The following TSC22D1 variants were observed in gnomAD, a reference collection of about 807,000 sequenced individuals.
The protein encoded by TSC22D1 is TSC22 domain family member 1, also known as TSC22 domain family protein 1.
TSC22D1 carries 9 observed loss-of-function variants against 74.2 expected under a neutral mutation model. That is an observed-to-expected ratio of 0.12 (90% CI 0.07 to 0.21). The LOEUF is 0.21. Among genes scored for constraint, TSC22D1 ranks in the 10% least tolerant of loss-of-function variants. The pLI, the probability that TSC22D1 is intolerant of heterozygous loss-of-function variation, is 1.00. For synonymous variants in TSC22D1, 586 were observed against 492.5 expected (o/e 1.19, Z -2.51); for missense variants, 1,427 against 1,304.7 (o/e 1.09, Z -1.44).
At chr13:44,541,170 C>T (rs576065281) in intron 1 of TSC22D1, among the ~76,000 whole-genome samples, 131 of 152,276 alleles carry the variant, frequency 8.6e-4, no homozygotes, top group Admixed American at 6.3e-3. Context: ...AGCACTAAGA[C>T]GGTAGCAACC....
At chr13:44,558,425 A>T (rs977125734) in intron 1 of TSC22D1, among the ~76,000 whole-genome samples, 15 of 152,294 alleles carry the variant, frequency 9.8e-5, no homozygotes, top group Non-Finnish European at 2.1e-4. Flanking sequence ...AGAGGAGCTA[A>T]ACAGTTGCCA....
In TSC22D1 at chr13:44,433,240, G is replaced by C. The variant is rs910485558; in HGVS notation, c.*1386C>G. The C allele has an allele frequency of 9.9e-5, 15 of 152,244 alleles. No homozygotes were observed. The highest frequency in any genetic ancestry group is 3.1e-4 in the African/African-American group (13 of 41,458). 9.4% of individuals were successfully genotyped at this position (152,244 alleles called of 1,614,324 possible). A position where few individuals can be genotyped will look rare whatever the true frequency, so the allele number is the denominator to read the frequency against. ...TTTAAAGCCAAAGGGGAATGTAAGA[G>C]ATCATCTCTTTCAAACCCCTACATC... On this transcript the variant is annotated 3_prime_UTR_variant, in exon 3 of 3. Coordinates refer to ENST00000458659, the MANE Select transcript of TSC22D1 (RefSeq NM_183422.4).
rs1874153139 is a variant in TSC22D1, at chr13:44,432,732, C to G, written c.*1894G>C. On this transcript the variant is annotated 3_prime_UTR_variant, in exon 3 of 3. Coordinates refer to ENST00000458659, the MANE Select transcript of TSC22D1 (RefSeq NM_183422.4). ...CAAGGACTTAAGACAAGCCTTAGAACTTGGGATTGGTCCAATTCCTACTGG... is the reference window on the plus strand; with the variant it reads ...CAAGGACTTAAGACAAGCCTTAGAAGTTGGGATTGGTCCAATTCCTACTGG... The G allele has an allele frequency of 6.6e-6, 1 of 152,150 alleles. No individual in the cohort carries two copies. The highest frequency in any genetic ancestry group is 1.5e-5 in the Non-Finnish European group (1 of 68,042). The allele number at this position is 152,150 out of a possible 1,614,324, so 9.4% of individuals were successfully genotyped here.
In TSC22D1 at chr13:44,517,548, T is replaced by C. The variant is rs183579535; in HGVS notation, c.2912+55615A>G. Among the ~76,000 whole-genome samples the C allele has an allele frequency of 4.6e-5, 7 of 151,848 alleles. No homozygotes were observed. The East Asian group carries it at 1.4e-3, about 29-fold the overall frequency. On this transcript the variant is annotated intron_variant, in intron 1 of 2. Coordinates refer to ENST00000458659, the MANE Select transcript of TSC22D1 (RefSeq NM_183422.4). ...ATTGATCAATCAAAACCTGAGCATTTTGAAGTATTTTCCGGGCCAGGTGCG... is the reference window on the plus strand; with the variant it reads ...ATTGATCAATCAAAACCTGAGCATTCTGAAGTATTTTCCGGGCCAGGTGCG...
chr13:44,536,128 AC>A (rs1001287728), intron 1 of TSC22D1, among the ~76,000 whole-genome samples: 9 of 151,268 alleles, frequency 5.9e-5, no homozygotes, highest in Non-Finnish European at 3.0e-5. Flanking sequence ...CCTTTCCCCC[AC>A]CCCCAATACA....
At chr13:44,501,594 A>G (rs1879221243) in intron 1 of TSC22D1, among the ~76,000 whole-genome samples, 1 of 152,224 alleles carries the variant, frequency 6.6e-6, no homozygotes, top group Admixed American at 6.5e-5. Context: ...AGTAGGAATC[A>G]AGTGGAACAG....
intron 1 of TSC22D1, 75 bp from the exon 2 acceptor site, chr13:44,436,170 A>C (rs1448743127): frequency 2.0e-6 from 3 of 1,490,208 alleles, no homozygotes; most frequent in Non-Finnish European, 2.8e-6. Flanking sequence ...AGGATCTCCC[A>C]ATTTTGTGAT....
chr13:44,462,396 A>C (rs534081392), intron 1 of TSC22D1, among the ~76,000 whole-genome samples: 4 of 152,328 alleles, frequency 2.6e-5, no homozygotes, highest in African/African-American at 9.6e-5. Flanking sequence ...TATTTTATGG[A>C]AAAAGAAAGC....
chr13:44,502,557 C>A (rs1449664777), intron 1 of TSC22D1, among the ~76,000 whole-genome samples: 1 of 152,158 alleles, frequency 6.6e-6, no homozygotes. Context: ...TTCATTCATA[C>A]AACAAATGCT....
chr13:44,574,075 A>T lies in TSC22D1; in HGVS notation c.2000T>A (p.Met667Lys), dbSNP rs1484252882. ...TGCAGAACTGGGCTGTCCGGAGGAC[A>T]TTGCTGTTTGAAGAATTGGCTGCTG... ...VQQQPILQTA[M>K]SSGQPSSAGV... Residue 667 changes from methionine to lysine, a missense_variant, in exon 1 of 3, where the codon ATG (methionine) becomes AAG (lysine). Physicochemically the swap from Met to Lys is moderately conservative, Grantham distance 95. Coordinates refer to ENST00000458659, the MANE Select transcript of TSC22D1 (RefSeq NM_183422.4). 9 of 1,614,242 alleles carry T rather than the reference A, an allele frequency of 5.6e-6. No homozygotes were observed. The highest frequency in any genetic ancestry group is 6.8e-6 in the Non-Finnish European group (8 of 1,180,054).
At chr13:44,524,063 A>T (rs1391594491) in intron 1 of TSC22D1, among the ~76,000 whole-genome samples, 1 of 152,238 alleles carries the variant, frequency 6.6e-6, no homozygotes, top group Non-Finnish European at 1.5e-5. Flanking sequence ...ACTATACATA[A>T]TAAAAGATGC....
At chr13:44,548,865 TAA>T (rs1023064676) in intron 1 of TSC22D1, among the ~76,000 whole-genome samples, 6 of 152,178 alleles carry the variant, frequency 3.9e-5, no homozygotes, top group African/African-American at 7.2e-5. Flanking sequence ...AACAAATATA[TAA>T]GATAGACTTT....
intron 1 of TSC22D1, among the ~76,000 whole-genome samples, chr13:44,458,045 G>T (rs1024762520): frequency 6.6e-6 from 1 of 152,188 alleles, no homozygotes; most frequent in East Asian, 1.9e-4. Flanking sequence ...CAAGTTCTAG[G>T]ATCTACTTTC....
chr13:44,435,849 G>C (rs995818549), intron 2 of TSC22D1, 195 bp downstream of exon 2: 2 of 631,454 alleles, frequency 3.2e-6, no homozygotes, highest in Admixed American at 2.8e-5. Context: ...TTTAATACCC[G>C]CAGGGCCCCT....
chr13:44,493,392 A>C (rs1362741269), intron 1 of TSC22D1, among the ~76,000 whole-genome samples: 3 of 152,174 alleles, frequency 2.0e-5, no homozygotes, highest in Non-Finnish European at 2.9e-5. Flanking sequence ...CTTTCACCTA[A>C]CTCAAGACTT....
chr13:44,538,074 T>C, intron 1 of TSC22D1: 3 of 985,326 alleles, frequency 3.0e-6, no homozygotes, highest in Non-Finnish European at 3.6e-6. Context: ...TAAATAACTA[T>C]TTTGCAACAC....
intron 1 of TSC22D1, among the ~76,000 whole-genome samples, chr13:44,569,998 C>T (rs1343513257): frequency 6.6e-6 from 1 of 152,086 alleles, no homozygotes; most frequent in East Asian, 1.9e-4. Context: ...AAACAATGTC[C>T]CCTGAGTGAA....
intron 1 of TSC22D1, among the ~76,000 whole-genome samples, chr13:44,456,082 C>T (rs1876594057): frequency 6.6e-6 from 1 of 152,164 alleles, no homozygotes; most frequent in African/African-American, 2.4e-5. Context: ...GAATTGGTTC[C>T]TTCCCGTGGG....
intron 1 of TSC22D1, among the ~76,000 whole-genome samples, chr13:44,494,868 A>C (rs1283994873): frequency 6.6e-6 from 1 of 152,228 alleles, no homozygotes; most frequent in African/African-American, 2.4e-5. Context: ...AAAGGAAACC[A>C]GGAGAATTAT....
Sources: gnomAD v4.1 joint callset for allele counts (sites outside exome capture counted in the v4.1 genomes callset) on GRCh38, gnomAD v4.1.1 for gene constraint, MANE v1.5 for transcripts, NCBI Gene and HGNC (gene_info 2026-07-23, HGNC 2026-07-21) for gene names.